The following CHRM1 variants were observed in gnomAD, a reference collection of about 807,000 sequenced individuals.
The protein encoded by CHRM1 is cholinergic receptor muscarinic 1.
CHRM1 carries 5 observed loss-of-function variants against 31.6 expected under a neutral mutation model. The ratio of observed to expected loss-of-function variants is 0.16; its 90% CI spans 0.08 to 0.33. The LOEUF is 0.33. CHRM1 is among the 10% of genes least tolerant of loss of function. The pLI, the probability that CHRM1 is intolerant of heterozygous loss-of-function variation, is 1.00. For synonymous variants in CHRM1, 227 were observed against 249.7 expected (o/e 0.91, Z 0.86); for missense variants, 338 against 610.3 (o/e 0.55, Z 4.70).
rs921033494 is a variant in CHRM1, at chr11:62,909,135, C to T, written c.*583G>A. 4.6e-5 allele frequency: 7 copies of T among 153,492 alleles called. No homozygotes were observed. Among genetic ancestry groups the T allele is most frequent in the Non-Finnish European group, 7.2e-5 (5 of 69,018 alleles). 9.5% of individuals were successfully genotyped at this position (153,492 alleles called of 1,614,324 possible). On this transcript the variant is annotated 3_prime_UTR_variant, in exon 2 of 2. Transcript: ENST00000306960. ...TGTCATTGTCTTGCTGATGCTTGGACATTTGCCTTGGAGTTGACCCACCTA... is the reference window on the plus strand; with the variant it reads ...TGTCATTGTCTTGCTGATGCTTGGATATTTGCCTTGGAGTTGACCCACCTA...
In CHRM1 at chr11:62,909,889, G is replaced by A. The variant is rs768653343; in HGVS notation, c.1212C>T (p.Tyr404=). 34 of 1,614,134 alleles carry A rather than the reference G, an allele frequency of 2.1e-5. No homozygotes were observed. The Middle Eastern group carries it at 6.6e-4, about 31-fold the overall frequency. ...CVPETLWELG[Y]WLCYVNSTIN... is the part of the protein sequence containing the mutation. Reference sequence around the variant, plus strand: ...TGGTGCTGTTGACGTAGCACAGCCAGTAGCCCAGCTCCCACAGGGTCTCGG... The same window carrying A: ...TGGTGCTGTTGACGTAGCACAGCCAATAGCCCAGCTCCCACAGGGTCTCGG... Residue 404 remains tyrosine (Y), a synonymous_variant, in exon 2 of 2, where the codon TAC becomes TAT. Transcript: ENST00000306960.
intron 1 of CHRM1, among the ~76,000 whole-genome samples, chr11:62,913,225 C>T (rs557811295): frequency 2.6e-4 from 39 of 152,252 alleles, no homozygotes; most frequent in African/African-American, 9.4e-4. Context: ...TGGGATAATA[C>T]CCATTAGCAA....
At chr11:62,916,134 C>A (rs1245286122) in intron 1 of CHRM1, among the ~76,000 whole-genome samples, 1 of 152,180 alleles carries the variant, frequency 6.6e-6, no homozygotes, top group East Asian at 1.9e-4. Flanking sequence ...CACTCCTTCT[C>A]CTGATCCAGT....
chr11:62,910,918 G>A lies in CHRM1; in HGVS notation c.183C>T (p.Asn61=). The A allele has an allele frequency of 6.2e-7, 1 of 1,614,222 alleles. No homozygotes were observed. The highest frequency in any genetic ancestry group is 8.5e-7 in the Non-Finnish European group (1 of 1,180,040). ...CACAGGCCAGGCTCAGCAGGAAGTA[G>A]TTATTGACTGTCTTGAGCTCCGTGT... The part of the protein sequence containing the change: ...KVNTELKTVN[N]YFLLSLACAD... Residue 61 remains asparagine, a synonymous_variant, in exon 2 of 2, where the codon AAC becomes AAT. Coordinates refer to ENST00000306960, the MANE Select transcript of CHRM1 (RefSeq NM_000738.3). This position sits in a 1 kb window ranked among gnomAD's most constrained non-coding sequence, Gnocchi z 8.7.
In CHRM1 at chr11:62,908,880, G is replaced by C. The variant is rs1181841062; in HGVS notation, c.*838C>G. On this transcript the variant is annotated 3_prime_UTR_variant, in exon 2 of 2. Transcript: ENST00000306960. ...GGCCGGAGGCAGGCAGCATGCGGGA[G>C]GCCTGGCTAGATCTGCATGGAGCAG... The C allele has an allele frequency of 6.5e-6, 1 of 153,026 alleles. No homozygotes were observed. Among genetic ancestry groups the C allele is most frequent in the Non-Finnish European group, 1.5e-5 (1 of 68,352 alleles). The allele number at this position is 153,026 out of a possible 1,614,324, so 9.5% of individuals were successfully genotyped here.
intron 1 of CHRM1, among the ~76,000 whole-genome samples, chr11:62,917,285 A>C (rs376012408): frequency 3.9e-5 from 6 of 152,334 alleles, no homozygotes; most frequent in African/African-American, 1.4e-4. Flanking sequence ...TGGTAGCTCT[A>C]GAATCCCTAA....
intron 1 of CHRM1, among the ~76,000 whole-genome samples, chr11:62,913,513 A>C (rs902238970): frequency 4.6e-5 from 7 of 152,242 alleles, no homozygotes; most frequent in African/African-American, 1.7e-4. Context: ...CTCTACTAAA[A>C]ATACAAAATT....
chr11:62,911,041 C>A lies in CHRM1; in HGVS notation c.60G>T (p.Lys20Asn), dbSNP rs746998954. Residue 20 changes from lysine to asparagine, a missense_variant, in exon 2 of 2, where the codon AAG (lysine) becomes AAT (asparagine). Around this residue, in one of 4 missense-constraint regions of CHRM1, gnomAD observed 85 missense variants for 257.7 expected, o/e 0.33. Transcript: ENST00000306960. Reference protein sequence around the residue: ...SPNITVLAPGKGPWQVAFIGI... With the variant: ...SPNITVLAPGNGPWQVAFIGI... ...CAATGAAGGCCACTTGCCAGGGACC[C>A]TTTCCTGGTGCCAGGACGGTGATGT... 2 of 1,614,170 alleles carry A rather than the reference C, an allele frequency of 1.2e-6. No homozygotes were observed. Among genetic ancestry groups the A allele is most frequent in the Non-Finnish European group, 1.7e-6 (2 of 1,180,032 alleles).
rs762373862 is a variant in CHRM1 at position 62,909,825 on chromosome 11, G to A, written c.1276C>T (p.Arg426Trp). 6.2e-7 allele frequency: 1 copy of A among 1,614,142 alleles called. No homozygotes were observed. The highest frequency in any genetic ancestry group is 8.5e-7 in the Non-Finnish European group (1 of 1,180,044). ...MCYALCNKAF[R>W]DTFRLLLLCR... ...AGCAGCAGCAGGCGAAAGGTGTCCC[G>A]GAAGGCTTTGTTGCAGAGTGCGTAG... is the stretch of plus-strand genomic sequence containing the variant. Residue 426 changes from arginine (R) to tryptophan (W), a missense_variant, in exon 2 of 2, where the codon CGG becomes TGG. By Grantham distance (101) the Arg-to-Trp change is moderately radical. Around this residue, in one of 4 missense-constraint regions of CHRM1, gnomAD observed 68 missense variants for 108.5 expected, o/e 0.63. Coordinates refer to ENST00000306960, the MANE Select transcript of CHRM1 (RefSeq NM_000738.3).
At chr11:62,917,124 T>C (rs2085904566) in intron 1 of CHRM1, among the ~76,000 whole-genome samples, 1 of 152,226 alleles carries the variant, frequency 6.6e-6, no homozygotes, top group Non-Finnish European at 1.5e-5. Context: ...CCAAGTCTCC[T>C]TAACTGTCGA....
intron 1 of CHRM1, among the ~76,000 whole-genome samples, chr11:62,911,430 G>T (rs1214228535): frequency 6.6e-6 from 1 of 152,106 alleles, no homozygotes; most frequent in African/African-American, 2.4e-5. Context: ...TCAGACTCCA[G>T]GCCTCCATTT....
At chr11:62,918,427 G>C (rs2085912442) in intron 1 of CHRM1, 1 of 152,222 alleles carries the variant, frequency 6.6e-6, no homozygotes, top group Admixed American at 6.5e-5. Context: ...GTCAGGACCA[G>C]GTCCAGAGCA....
At position 62,909,458 on chromosome 11, in the gene CHRM1, G is replaced by A. The variant is rs1391280683; in HGVS notation, c.*260C>T. Reference sequence around the variant, plus strand: ...AGTCCAAAGCCCGGATCCTCCTCCCGGGCCTTCTTCCTGGTGAAGAGCGCA... The same window carrying A: ...AGTCCAAAGCCCGGATCCTCCTCCCAGGCCTTCTTCCTGGTGAAGAGCGCA... On this transcript the variant is annotated 3_prime_UTR_variant, in exon 2 of 2. Coordinates refer to ENST00000306960, the MANE Select transcript of CHRM1 (RefSeq NM_000738.3). 5.9e-6 allele frequency: 3 copies of A among 507,298 alleles called. No homozygotes were observed. The highest frequency in any genetic ancestry group is 1.9e-5 in the African/African-American group (1 of 52,314). The allele number at this position is 507,298 out of a possible 1,614,324, so 31.4% of individuals were successfully genotyped here.
At position 62,908,986 on chromosome 11, in the gene CHRM1, T is replaced by G. The variant is rs544060844; in HGVS notation, c.*732A>C. On this transcript the variant is annotated 3_prime_UTR_variant, in exon 2 of 2. Transcript: ENST00000306960. ...CAGGGGGTATGGATTTGCGGCTGGATAGCAGGCACACTTGACTCCCACTCC... is the reference window on the plus strand; with the variant it reads ...CAGGGGGTATGGATTTGCGGCTGGAGAGCAGGCACACTTGACTCCCACTCC... The G allele has an allele frequency of 4.5e-4, 68 of 152,746 alleles. No individual in the cohort carries two copies. Among genetic ancestry groups the G allele is most frequent in the African/African-American group, 1.6e-3 (67 of 41,560 alleles). 9.5% of individuals were successfully genotyped at this position (152,746 alleles called of 1,614,324 possible).
In CHRM1 at chr11:62,909,343, G is replaced by A. The variant is rs116161975; in HGVS notation, c.*375C>T. 6.0e-3 allele frequency: 1,194 copies of A among 200,068 alleles called. 18 individuals are homozygous for A. The highest frequency in any genetic ancestry group is 0.026 in the African/African-American group (1,132 of 42,840). 12.4% of individuals were successfully genotyped at this position (200,068 alleles called of 1,614,324 possible). On this transcript the variant is annotated 3_prime_UTR_variant, in exon 2 of 2. Coordinates refer to ENST00000306960, the MANE Select transcript of CHRM1 (RefSeq NM_000738.3). The stretch of plus-strand genomic sequence containing the variant: ...ACCATCTCACACCGCAATCTGGGCC[G>A]CTGCTGGGCCAAGGAATACTTAATG...
At chr11:62,911,656 G>A (rs546742339) in intron 1 of CHRM1, among the ~76,000 whole-genome samples, 1 of 152,328 alleles carries the variant, frequency 6.6e-6, no homozygotes, top group Admixed American at 6.5e-5. Flanking sequence ...AGGAGAAAGG[G>A]CTCTTATTAT....
Position 62,909,942 on chromosome 11 carries a change from C to T in CHRM1, c.1159G>A (p.Val387Met), listed in dbSNP as rs2085859263. 1 of 1,614,200 alleles carries T rather than the reference C, an allele frequency of 6.2e-7. No homozygotes were observed. Among genetic ancestry groups the T allele is most frequent in the Non-Finnish European group, 8.5e-7 (1 of 1,180,034 alleles). The change falls in exon 2 of 2, where the codon GTG (valine) becomes ATG (methionine). Residue 387 changes from valine (V) to methionine (M), a missense_variant. By Grantham distance (21) the Val-to-Met change is conservative (BLOSUM62 1). Transcript: ENST00000306960. Reference sequence around the variant, plus strand: ...ACACAGTCCTTGCAGAAGGTGGACACCAGCACCATGATGTTGTACGGTGTC... The same window carrying T: ...ACACAGTCCTTGCAGAAGGTGGACATCAGCACCATGATGTTGTACGGTGTC... Reference protein sequence around the residue: ...TWTPYNIMVLVSTFCKDCVPE... With the variant: ...TWTPYNIMVLMSTFCKDCVPE...
At chr11:62,919,761 A>G (rs879327296) in intron 1 of CHRM1, among the ~76,000 whole-genome samples, 2 of 152,158 alleles carry the variant, frequency 1.3e-5, no homozygotes, top group African/African-American at 2.4e-5. Context: ...CTTCCTGCTC[A>G]TGGAGGCGGC....
At position 62,909,451 on chromosome 11, in the gene CHRM1, T is replaced by G. The variant is rs886486403; in HGVS notation, c.*267A>C. The G allele has an allele frequency of 6.0e-6, 3 of 503,590 alleles. No individual in the cohort carries two copies. The highest frequency in any genetic ancestry group is 5.7e-5 in the African/African-American group (3 of 52,298). 31.2% of individuals were successfully genotyped at this position (503,590 alleles called of 1,614,324 possible). A position where few individuals can be genotyped will look rare whatever the true frequency, so the allele number is the denominator to read the frequency against. On this transcript the variant is annotated 3_prime_UTR_variant, in exon 2 of 2. Coordinates refer to ENST00000306960, the MANE Select transcript of CHRM1 (RefSeq NM_000738.3). Reference sequence around the variant, plus strand: ...AACAAGGAGTCCAAAGCCCGGATCCTCCTCCCGGGCCTTCTTCCTGGTGAA... The same window carrying G: ...AACAAGGAGTCCAAAGCCCGGATCCGCCTCCCGGGCCTTCTTCCTGGTGAA...
Sources: gnomAD v4.1 joint callset for allele counts (sites outside exome capture counted in the v4.1 genomes callset) on GRCh38, gnomAD v4.1.1 for gene constraint, gnomAD v4.1.1 regional missense constraint, Gnocchi (gnomAD v3.1) non-coding constraint, MANE v1.5 for transcripts, NCBI Gene and HGNC (gene_info 2026-07-23, HGNC 2026-07-21) for gene names.